Variants in SEM1 observed in about 807,000 individuals in gnomAD.
SEM1 encodes the protein SEM1 26S proteasome subunit, also known as 26S proteasome complex subunit SEM1.
A neutral mutation model predicts 12.7 loss-of-function variants in SEM1; 3 were observed. That is an observed-to-expected ratio of 0.24 (90% CI 0.11 to 0.61). The LOEUF is 0.61. Among genes scored for constraint, SEM1 ranks in the 20% least tolerant of loss-of-function variants. The pLI, the probability that SEM1 is intolerant of heterozygous loss-of-function variation, is 0.88. For missense variants in SEM1, 59 were observed against 81.3 expected, an observed-to-expected ratio of 0.73 and a Z score of 1.06; for synonymous variants, 30 against 27.8, an observed-to-expected ratio of 1.08 and a Z score of -0.25.
chr7:96,702,251 T>TACAC (rs371384763), intron 1 of SEM1, among the ~76,000 whole-genome samples: 7 of 151,284 alleles, frequency 4.6e-5, no homozygotes, highest in African/African-American at 1.7e-4. Flanking sequence ...GTTTTATACA[T>TACAC]ACACACACAC....
At chr7:96,649,497 G>C (rs916278362) in intron 2 of SEM1, 8 of 152,276 alleles carry the variant, frequency 5.3e-5, no homozygotes, top group Non-Finnish European at 1.2e-4. Context: ...TGGACTTTAA[G>C]ACAGCTAATC....
chr7:96,692,534 T>C (rs1789959833), intron 2 of SEM1, among the ~76,000 whole-genome samples: 1 of 152,156 alleles, frequency 6.6e-6, no homozygotes, highest in Non-Finnish European at 1.5e-5. Context: ...TGTTCTCTAA[T>C]GTGGCTCATT....
In SEM1 at chr7:96,493,790, T is replaced by C. The variant is rs116032415; in HGVS notation, c.12+2494A>G. ...CTACTCCAAGGGCTCTCTTCAATGT[T>C]AGTCTTATAAACCAAGCTATTTCCC... On this transcript the variant is annotated intron_variant, in intron 1 of 3. Transcript: ENST00000356686. 6.6e-3 allele frequency among the ~76,000 whole-genome samples: 1,011 copies of C among 152,314 alleles called. 13 individuals carry two copies. Among genetic ancestry groups the C allele is most frequent in the African/African-American group, 0.023 (966 of 41,568 alleles).
chr7:96,650,482 A>G (rs1361821511), intron 2 of SEM1: 1 of 755,732 alleles, frequency 1.3e-6, no homozygotes, highest in Non-Finnish European at 2.4e-6. Flanking sequence ...CAGGAGACAC[A>G]GCCATTTAGG....
At chr7:96,642,667 A>G (rs973161577) in intron 2 of SEM1, among the ~76,000 whole-genome samples, 3 of 151,944 alleles carry the variant, frequency 2.0e-5, no homozygotes, top group Non-Finnish European at 2.9e-5. Context: ...AGATTCATCT[A>G]CTTGTATATC....
intron 2 of SEM1, among the ~76,000 whole-genome samples, chr7:96,657,165 A>G (rs766382794): frequency 5.3e-5 from 8 of 152,202 alleles, no homozygotes; most frequent in Non-Finnish European, 7.3e-5. Context: ...TACCTCATCA[A>G]TAACAGTTTT....
intron 3 of SEM1, chr7:96,484,724 C>G: frequency 1.6e-6 from 1 of 630,222 alleles, no homozygotes; most frequent in Non-Finnish European, 2.5e-6. Flanking sequence ...CTAACTCTTC[C>G]GAATGACTCA....
intron 2 of SEM1, among the ~76,000 whole-genome samples, chr7:96,662,009 A>T (rs12674377): frequency 0.041 from 5,738 of 140,402 alleles, 481 homozygotes; most frequent in African/African-American, 0.14. Flanking sequence ...AAAAAAAAAA[A>T]AGTCAGCAAA....
intron 2 of SEM1, among the ~76,000 whole-genome samples, chr7:96,603,447 C>A (rs1040141849): frequency 6.6e-5 from 10 of 152,280 alleles, no homozygotes; most frequent in Non-Finnish European, 1.3e-4. Context: ...GGACCTCCCT[C>A]TTGTTTAACA....
intron 2 of SEM1, among the ~76,000 whole-genome samples, chr7:96,615,239 ATCTTTTTTTTTTTTT>A (rs1427362218): frequency 4.1e-5 from 4 of 98,142 alleles, no homozygotes; most frequent in Non-Finnish European, 5.8e-5. Flanking sequence ...TTTTTGAGTC[ATCTTTTTTTTTTTTT>A]TTTTTTTTTT....
At chr7:96,644,779 G>A (rs1221317039) in intron 2 of SEM1, among the ~76,000 whole-genome samples, 1 of 152,068 alleles carries the variant, frequency 6.6e-6, no homozygotes, top group Admixed American at 6.6e-5. Context: ...CTTAATGCTA[G>A]GTTTCTATTA....
chr7:96,667,605 G>A (rs1239004592), intron 2 of SEM1, among the ~76,000 whole-genome samples: 2 of 151,794 alleles, frequency 1.3e-5, no homozygotes, highest in Non-Finnish European at 2.9e-5. Context: ...GTTCATTCAG[G>A]GATGTTTTTT....
intron 2 of SEM1, among the ~76,000 whole-genome samples, chr7:96,596,393 G>A (rs1299898872): frequency 6.6e-6 from 1 of 152,174 alleles, no homozygotes; most frequent in African/African-American, 2.4e-5. Context: ...GCAAGGAGAA[G>A]CAAATGACAA....
chr7:96,708,321 TAGTTTACC>T, intron 1 of SEM1: 1 of 152,248 alleles, frequency 6.6e-6, no homozygotes, highest in East Asian at 1.9e-4. Context: ...TGCTTTGGGT[TAGTTTACC>T]AGTTTCTGTA....
intron 2 of SEM1, among the ~76,000 whole-genome samples, chr7:96,566,095 G>T (rs976223253): frequency 6.6e-6 from 1 of 151,518 alleles, no homozygotes; most frequent in African/African-American, 2.4e-5. Flanking sequence ...AATTTTTCTG[G>T]CTTCAATTTA....
At chr7:96,537,684 C>G (rs142010644) in intron 2 of SEM1, among the ~76,000 whole-genome samples, 1 of 151,652 alleles carries the variant, frequency 6.6e-6, no homozygotes, top group Non-Finnish European at 1.5e-5. Context: ...AAGATTTTTT[C>G]TTTGTGCTTG....
intron 2 of SEM1, among the ~76,000 whole-genome samples, chr7:96,552,325 G>A (rs923598750): frequency 6.6e-6 from 1 of 152,078 alleles, no homozygotes; most frequent in Admixed American, 6.6e-5. Context: ...ATATCTCCCA[G>A]TGCTATCCCT....
chr7:96,571,066 G>A (rs1224902393), intron 2 of SEM1, among the ~76,000 whole-genome samples: 2 of 150,542 alleles, frequency 1.3e-5, no homozygotes, highest in Admixed American at 1.3e-4. Flanking sequence ...TTATTTTCTT[G>A]TAAATTTGTT....
chr7:96,706,570 C>CAAAAAAAAAAAA (rs67892273), intron 1 of SEM1, among the ~76,000 whole-genome samples: 3 of 78,078 alleles, frequency 3.8e-5, no homozygotes, highest in African/African-American at 5.1e-5. Context: ...CTCAAACAAA[C>CAAAAAAAAAAAA]AAAAAAAAAA....
Sources: gnomAD v4.1 joint callset for allele counts (sites outside exome capture counted in the v4.1 genomes callset) on GRCh38, gnomAD v4.1.1 for gene constraint, MANE v1.5 for transcripts, NCBI Gene and HGNC (gene_info 2026-07-23, HGNC 2026-07-21) for gene names.